Variants in DMD observed in about 807,000 individuals in gnomAD.
DMD encodes dystrophin.
A neutral mutation model predicts 330.1 loss-of-function variants in DMD; 63 were observed. That is an observed-to-expected ratio of 0.19 (90% confidence interval 0.16 to 0.24). The LOEUF (loss-of-function observed/expected upper bound fraction) is 0.24. Among genes scored for constraint, DMD ranks in the 10% least tolerant of loss-of-function variants. DMD has a pLI of 1.00. For missense variants in DMD, 3,344 were observed against 2,684.1 expected, an observed-to-expected ratio of 1.25 and a Z score of -5.43; for synonymous variants, 1,223 against 959.8, an observed-to-expected ratio of 1.27 and a Z score of -5.07.
chrX:32,950,746 G>A (rs1041533448), intron 2 of DMD, among the ~76,000 whole-genome samples: 2 of 110,904 alleles, frequency 1.8e-5, no homozygotes, highest in African/African-American at 6.6e-5. Context: ...AATTCAGAAG[G>A]ACCGGAGACA....
At chrX:31,785,055 G>A (rs972816377) in intron 50 of DMD, among the ~76,000 whole-genome samples, 11 of 111,444 alleles carry the variant, frequency 9.9e-5, no homozygotes, top group Non-Finnish European at 1.5e-4. Flanking sequence ...ATTGATAAAC[G>A]GATTAAAAAA....
chrX:32,131,222 T>C (rs1229987407), intron 44 of DMD, among the ~76,000 whole-genome samples: 1 of 112,105 alleles, frequency 8.9e-6, no homozygotes, highest in South Asian at 3.7e-4. Context: ...CAAAAATTGT[T>C]ATTTTTTAAC....
intron 1 of DMD, among the ~76,000 whole-genome samples, chrX:33,254,672 A>G (rs1465347076): frequency 9.0e-6 from 1 of 111,088 alleles, no homozygotes; most frequent in African/African-American, 3.2e-5. Flanking sequence ...TAAATCTTAT[A>G]CAGACTGATT....
intron 34 of DMD, among the ~76,000 whole-genome samples, chrX:32,373,252 C>T (rs2097887101): frequency 1.8e-5 from 2 of 108,132 alleles, no homozygotes; most frequent in Non-Finnish European, 3.9e-5. Flanking sequence ...TAGGAAAGAC[C>T]AATTCTACAA....
At chrX:32,089,280 T>C (rs1444282224) in intron 44 of DMD, among the ~76,000 whole-genome samples, 1 of 111,710 alleles carries the variant, frequency 9.0e-6, no homozygotes, top group African/African-American at 3.2e-5. Context: ...ATAAGATACG[T>C]TTATTTTATA....
intron 77 of DMD, among the ~76,000 whole-genome samples, chrX:31,129,682 C>A (rs1361442829): frequency 1.8e-5 from 2 of 111,583 alleles, no homozygotes; most frequent in African/African-American, 6.5e-5. Flanking sequence ...AGGTATTGGG[C>A]CAGATTTGGC....
At chrX:32,563,185 A>C (rs774891023) in intron 16 of DMD, among the ~76,000 whole-genome samples, 1 of 108,806 alleles carries the variant, frequency 9.2e-6, no homozygotes. Context: ...CTAAAATTAC[A>C]AAAAATTAGT....
chrX:32,273,788 C>T (rs754090659), intron 43 of DMD, among the ~76,000 whole-genome samples: 5 of 112,123 alleles, frequency 4.5e-5, no homozygotes, highest in Non-Finnish European at 7.5e-5. Context: ...ATAACTCACT[C>T]AGTAGAAAAC....
chrX:32,977,120 C>T (rs769674114), intron 2 of DMD, among the ~76,000 whole-genome samples: 1 of 110,489 alleles, frequency 9.1e-6, no homozygotes, highest in East Asian at 2.9e-4. Context: ...GGCAAAACCC[C>T]ATCTCCACTG....
rs192358652 is a variant in DMD at position 31,893,502 on chromosome X, T to C, written c.6913-18129A>G. 3.7e-5 allele frequency among the ~76,000 whole-genome samples: 4 copies of C among 107,738 alleles called. No individual in the cohort carries two copies. The East Asian group carries it at 1.2e-3, about 33-fold the overall frequency. 93.6% of individuals were successfully genotyped at this position (107,738 alleles called of 115,157 possible). A position where few individuals can be genotyped will look rare whatever the true frequency, so the allele number is the denominator to read the frequency against. On this transcript the variant is annotated intron_variant, in intron 47 of 78. Coordinates refer to ENST00000357033, the MANE Select transcript of DMD (RefSeq NM_004006.3). ...CGCAACCCTATTTTTCATTAACTTCTGGTCTGAGGGGGAAGGTACTGAAAA... is the reference window on the plus strand; with the variant it reads ...CGCAACCCTATTTTTCATTAACTTCCGGTCTGAGGGGGAAGGTACTGAAAA...
intron 7 of DMD, among the ~76,000 whole-genome samples, chrX:32,717,504 C>A (rs1238821535): frequency 1.8e-5 from 2 of 111,883 alleles, no homozygotes; most frequent in African/African-American, 6.5e-5. Context: ...TGTGGAAACA[C>A]CTGCATGTCC....
chrX:32,212,132 T>C (rs1320374511), intron 44 of DMD, among the ~76,000 whole-genome samples: 1 of 112,258 alleles, frequency 8.9e-6, no homozygotes, highest in African/African-American at 3.2e-5. Flanking sequence ...CATTAACATT[T>C]CTTCTTGTTA....
Position 33,151,244 on chromosome X carries a change from C to G in DMD, c.31+60038G>C, listed in dbSNP as rs1332351616. Among the ~76,000 whole-genome samples, 3 of 112,338 alleles carry G rather than the reference C, an allele frequency of 2.7e-5. No homozygotes were observed. The Admixed American group carries it at 2.8e-4, about 11-fold the overall frequency. On this transcript the variant is annotated intron_variant, in intron 1 of 78. Transcript: ENST00000357033. Reference sequence around the variant, plus strand: ...CTGAAACATATAAGTTATGACAGGTCTCTGGAACAAGTTATATCTAAATGC... The same window carrying G: ...CTGAAACATATAAGTTATGACAGGTGTCTGGAACAAGTTATATCTAAATGC...
At chrX:32,879,266 G>T (rs2083680112) in intron 2 of DMD, among the ~76,000 whole-genome samples, 1 of 111,378 alleles carries the variant, frequency 9.0e-6, no homozygotes, top group Non-Finnish European at 1.9e-5. Flanking sequence ...GACTGCGGCA[G>T]ACTGTTCTTG....
chrX:32,741,794 G>A (rs1400078350), intron 7 of DMD, among the ~76,000 whole-genome samples: 3 of 111,789 alleles, frequency 2.7e-5, no homozygotes, highest in African/African-American at 6.5e-5. Flanking sequence ...ACTTTAAACA[G>A]ATGATTGTAT....
intron 74 of DMD, among the ~76,000 whole-genome samples, chrX:31,161,733 C>T (rs1029630434): frequency 9.0e-6 from 1 of 111,458 alleles, no homozygotes; most frequent in Non-Finnish European, 1.9e-5. Context: ...GTGCTTCTAC[C>T]AATCTTCATG....
At chrX:32,487,477 G>A (rs2042597514) in intron 20 of DMD, among the ~76,000 whole-genome samples, 1 of 111,109 alleles carries the variant, frequency 9.0e-6, no homozygotes, top group South Asian at 3.8e-4. Flanking sequence ...TACCAATTCT[G>A]AACGAATTGA....
At chrX:31,599,940 T>A (rs915549312) in intron 55 of DMD, among the ~76,000 whole-genome samples, 2 of 111,795 alleles carry the variant, frequency 1.8e-5, no homozygotes, top group African/African-American at 6.5e-5. Context: ...ATTTATTTCT[T>A]ATTTTTTTTT....
At chrX:31,616,812 G>A (rs1190436459) in intron 55 of DMD, among the ~76,000 whole-genome samples, 1 of 110,505 alleles carries the variant, frequency 9.0e-6, no homozygotes, top group East Asian at 2.8e-4. Flanking sequence ...TGGAGGTAAG[G>A]GGCTAGTGAG....
Sources: allele counts gnomAD v4.1 joint callset (sites outside exome capture counted in the v4.1 genomes callset), GRCh38; gene constraint gnomAD v4.1.1; transcripts MANE v1.5; gene names NCBI Gene and HGNC (gene_info 2026-07-23, HGNC 2026-07-21).